PAAF1: variants seen among roughly 807,000 people sequenced by gnomAD.
PAAF1 encodes the protein proteasomal ATPase associated factor 1.
Under a neutral mutation model 52.8 loss-of-function variants are expected in PAAF1, and 46 were observed. The ratio of observed to expected loss-of-function variants is 0.87; its 90% CI spans 0.69 to 1.11. The LOEUF is 1.11. Among genes scored for constraint, PAAF1 ranks in the 50% most tolerant of loss-of-function variants. The pLI is 0.00. For missense variants in PAAF1, 424 were observed against 477.4 expected, an observed-to-expected ratio of 0.89 and a Z score of 1.04; for synonymous variants, 178 against 172.8, an observed-to-expected ratio of 1.03 and a Z score of -0.24.
intron 10 of PAAF1, among the ~76,000 whole-genome samples, chr11:73,920,483 T>C (rs1760635576): frequency 6.6e-6 from 1 of 151,820 alleles, no homozygotes; most frequent in South Asian, 2.1e-4. Context: ...TGAGCCATGA[T>C]TGTGCCACTG....
At chr11:73,926,458 C>CA (rs1950361450) in intron 11 of PAAF1, among the ~76,000 whole-genome samples, 1 of 152,144 alleles carries the variant, frequency 6.6e-6, no homozygotes, top group South Asian at 2.1e-4. Context: ...GGCTCATGCC[C>CA]AGCACTTTGG....
intron 2 of PAAF1, among the ~76,000 whole-genome samples, chr11:73,886,754 A>G (rs1369951679): frequency 1.3e-5 from 2 of 150,528 alleles, no homozygotes; most frequent in South Asian, 2.1e-4. Context: ...GTTTAGTGCT[A>G]TAGTGTGTAT....
rs1028271516 is a variant in PAAF1, at chr11:73,916,868, TCTGA to T, written c.935+211_935+214del. Among the ~76,000 whole-genome samples the T allele has an allele frequency of 5.9e-5, 9 of 152,356 alleles. No individual in the cohort carries two copies. In the East Asian group the frequency reaches 9.6e-4, roughly 16 times the overall value. On this transcript the variant is annotated intron_variant, in intron 9 of 11. Coordinates refer to ENST00000310571, the MANE Select transcript of PAAF1 (RefSeq NM_025155.3). ...TATATGATTCATACCATTATGATTG[TCTGA>T]CTAATGATTGCTTTGAAAATTAAGC...
intron 10 of PAAF1, 75 bp downstream of exon 10, chr11:73,919,107 C>T: frequency 1.5e-6 from 2 of 1,360,714 alleles, no homozygotes; most frequent in South Asian, 2.5e-5. Context: ...AGTGTCTGAT[C>T]TATGGCTGGG....
chr11:73,879,776 A>G (rs771170251), intron 2 of PAAF1: 1 of 151,758 alleles, frequency 6.6e-6, no homozygotes, highest in Non-Finnish European at 1.5e-5. Context: ...GGGAGGCTGC[A>G]ATAGGAGGAT....
chr11:73,913,438 T>C (rs1949985345), intron 7 of PAAF1, among the ~76,000 whole-genome samples: 2 of 152,300 alleles, frequency 1.3e-5, no homozygotes, highest in South Asian at 4.1e-4. Context: ...CTATAAAAAA[T>C]ATTTTAAAAA....
rs572239139 is a variant in PAAF1 at position 73,928,020 on chromosome 11, A to G, written c.*658A>G. ...GGTCAGCCTATATGTAGGTGAGGAA[A>G]CTGAATCATAAGCATTGTAAAGGCA... On this transcript the variant is annotated 3_prime_UTR_variant, in exon 12 of 12. Coordinates refer to ENST00000310571, the MANE Select transcript of PAAF1 (RefSeq NM_025155.3). The G allele has an allele frequency of 6.6e-6, 1 of 152,504 alleles. No individual in the cohort carries two copies. Among genetic ancestry groups the G allele is most frequent in the South Asian group, 2.1e-4 (1 of 4,832 alleles). 9.4% of individuals were successfully genotyped at this position (152,504 alleles called of 1,614,324 possible).
chr11:73,906,294 C>T (rs1294183111), intron 6 of PAAF1, among the ~76,000 whole-genome samples: 1 of 152,014 alleles, frequency 6.6e-6, no homozygotes. Flanking sequence ...CCTCTGTTAC[C>T]CAGGCTGGAG....
intron 2 of PAAF1, among the ~76,000 whole-genome samples, chr11:73,883,932 G>C (rs1397441857): frequency 3.9e-5 from 6 of 152,050 alleles, no homozygotes; most frequent in African/African-American, 1.4e-4. Flanking sequence ...CATATTTCTA[G>C]TTTTTGGCTA....
chr11:73,896,325 A>G (rs1232585523), intron 4 of PAAF1, among the ~76,000 whole-genome samples: 3 of 80,748 alleles, frequency 3.7e-5, no homozygotes, highest in African/African-American at 5.4e-5. Flanking sequence ...TTTATTGATC[A>G]TTCTTGGGTG....
chr11:73,876,725 G>T, upstream of PAAF1: 1 of 297,942 alleles, frequency 3.4e-6, no homozygotes, highest in Non-Finnish European at 6.2e-6. Context: ...TGCCCGCAAC[G>T]CCTCCTGAAG....
At chr11:73,892,325 CAAAA>C (rs150332375) in intron 4 of PAAF1, among the ~76,000 whole-genome samples, 1 of 81,812 alleles carries the variant, frequency 1.2e-5, no homozygotes, top group Non-Finnish European at 2.6e-5. Context: ...ACTGTCTCAC[CAAAA>C]AAAAAAAAAA....
intron 6 of PAAF1, among the ~76,000 whole-genome samples, chr11:73,902,463 G>T (rs1305666536): frequency 6.6e-6 from 1 of 152,210 alleles, no homozygotes; most frequent in African/African-American, 2.4e-5. Context: ...CCATCCCTCT[G>T]AAGGTGTGGG....
chr11:73,900,981 CAAAAAAAA>C lies in PAAF1; in HGVS notation c.532+587_532+594del, dbSNP rs5792636. Among the ~76,000 whole-genome samples, 4 of 59,546 alleles carry C rather than the reference CAAAAAAAA, an allele frequency of 6.7e-5. No individual in the cohort carries two copies. The South Asian group carries it at 2.4e-3, about 36-fold the overall frequency. 39.1% of individuals were successfully genotyped at this position (59,546 alleles called of 152,430 possible). A position where few individuals can be genotyped will look rare whatever the true frequency, so the allele number is the denominator to read the frequency against. ...TGGGCGACAGAGCGAGACTCCGTCT[CAAAAAAAA>C]AAAAAAAAAAAAAAAAAAAAAAAAA... On this transcript the variant is annotated intron_variant, in intron 6 of 11. Coordinates refer to ENST00000310571, the MANE Select transcript of PAAF1 (RefSeq NM_025155.3).
Position 73,882,048 on chromosome 11 carries a change from A to ATT in PAAF1, c.88+3240_88+3241dup, listed in dbSNP as rs201679598. Among the ~76,000 whole-genome samples the ATT allele has an allele frequency of 8.5e-5, 12 of 141,936 alleles. No individual in the cohort carries two copies. In the East Asian group the frequency reaches 2.0e-3, roughly 24 times the overall value. 93.1% of individuals were successfully genotyped at this position (141,936 alleles called of 152,430 possible). A position where few individuals can be genotyped will look rare whatever the true frequency, so the allele number is the denominator to read the frequency against. ...TGCCACCATGCCTGGCTAATTTTGT[A>ATT]TTTTTTTTTTTTAATAGAGACAGAG... On this transcript the variant is annotated intron_variant, in intron 2 of 11. Coordinates refer to ENST00000310571, the MANE Select transcript of PAAF1 (RefSeq NM_025155.3).
chr11:73,881,765 G>A (rs1017586698), intron 2 of PAAF1, among the ~76,000 whole-genome samples: 4 of 152,044 alleles, frequency 2.6e-5, no homozygotes, highest in Non-Finnish European at 5.9e-5. Context: ...GGAGTGCAGT[G>A]GTGCAATCTT....
chr11:73,920,938 G>A (rs887598585), intron 10 of PAAF1, among the ~76,000 whole-genome samples: 3 of 152,086 alleles, frequency 2.0e-5, no homozygotes, highest in Non-Finnish European at 4.4e-5. Flanking sequence ...AGGCCAAGGC[G>A]GATAGATCAC....
intron 6 of PAAF1, among the ~76,000 whole-genome samples, chr11:73,908,891 C>T (rs538799281): frequency 4.0e-5 from 6 of 151,152 alleles, no homozygotes; most frequent in African/African-American, 1.5e-4. Flanking sequence ...CAGGTTCGAG[C>T]GATTCTCCTG....
intron 5 of PAAF1, 82 bp from the exon 6 acceptor site, chr11:73,900,188 T>C (rs1194864575): frequency 3.5e-6 from 5 of 1,433,294 alleles, no homozygotes; most frequent in Non-Finnish European, 4.7e-6. Context: ...GTATTTCATA[T>C]AAGGGACCAG....
Sources: allele counts gnomAD v4.1 joint callset (sites outside exome capture counted in the v4.1 genomes callset), GRCh38; gene constraint gnomAD v4.1.1; transcripts MANE v1.5; gene names NCBI Gene and HGNC (gene_info 2026-07-23, HGNC 2026-07-21).